RERE: variants seen among roughly 807,000 people sequenced by gnomAD.
RERE encodes the protein arginine-glutamic acid dipeptide repeats protein.
RERE carries 40 observed loss-of-function variants against 146.1 expected under a neutral mutation model. The observed-to-expected ratio is 0.27, with a 90% CI of 0.21 to 0.36. The LOEUF is 0.36. Among genes scored for constraint, RERE ranks in the 10% least tolerant of loss-of-function variants. RERE has a pLI of 1.00. For missense variants in RERE, 1,933 were observed against 2,138.7 expected (o/e 0.90, Z 1.90); for synonymous variants, 1,003 against 866.0 (o/e 1.16, Z -2.78).
In RERE at chr1:8,400,222, ATGTG is replaced by A. The variant is rs1553161719; in HGVS notation, c.1284+22501_1284+22504del. On this transcript the variant is annotated intron_variant, in intron 12 of 22. Coordinates refer to ENST00000400908, the MANE Select transcript of RERE (RefSeq NM_001042681.2). ...CTCTTCCTTTCCATTCCTGTGTCATATGTGTGTGTGTGTGTGTGTGTGTGTGTGT... is the reference window on the plus strand; with the variant it reads ...CTCTTCCTTTCCATTCCTGTGTCATATGTGTGTGTGTGTGTGTGTGTGTGT... Among the ~76,000 whole-genome samples, 1,047 of 140,132 alleles carry A rather than the reference ATGTG, an allele frequency of 7.5e-3. 16 individuals are homozygous for A. Among genetic ancestry groups the A allele is most frequent in the African/African-American group, 0.024 (918 of 38,118 alleles). 91.9% of individuals were successfully genotyped at this position (140,132 alleles called of 152,430 possible).
chr1:8,446,583 A>C (rs1005958262), intron 11 of RERE, among the ~76,000 whole-genome samples: 1 of 152,228 alleles, frequency 6.6e-6, no homozygotes, highest in Non-Finnish European at 1.5e-5. Context: ...GTGTTTTCCA[A>C]CTTGGTTCCA....
chr1:8,449,188 G>A (rs1644362103), intron 11 of RERE, among the ~76,000 whole-genome samples: 1 of 152,172 alleles, frequency 6.6e-6, no homozygotes, highest in Non-Finnish European at 1.5e-5. Context: ...TCAAAGAAAT[G>A]TTCCTTACAA....
intron 4 of RERE, among the ~76,000 whole-genome samples, chr1:8,598,647 G>A (rs1646584260): frequency 6.6e-6 from 1 of 152,126 alleles, no homozygotes; most frequent in Non-Finnish European, 1.5e-5. Context: ...AAAGACCTCT[G>A]TCTCTTTCTG....
At chr1:8,637,332 T>C (rs750409164) in intron 2 of RERE, among the ~76,000 whole-genome samples, 1 of 152,124 alleles carries the variant, frequency 6.6e-6, no homozygotes, top group Non-Finnish European at 1.5e-5. Context: ...CTGGCATTCT[T>C]TGTGAGGGCA....
chr1:8,543,253 T>C (rs767218939), intron 6 of RERE, among the ~76,000 whole-genome samples: 27 of 152,182 alleles, frequency 1.8e-4, no homozygotes, highest in Non-Finnish European at 2.5e-4. Flanking sequence ...GGAAAGAAAA[T>C]GCAGGTATGA....
At chr1:8,461,860 T>A (rs1445042221) in intron 11 of RERE, among the ~76,000 whole-genome samples, 1 of 152,174 alleles carries the variant, frequency 6.6e-6, no homozygotes, top group Admixed American at 6.5e-5. Flanking sequence ...ATTATTTTTT[T>A]TGGAGACAGA....
In RERE at chr1:8,475,373, T is replaced by TA. The variant is rs70990569; in HGVS notation, c.1105-9351dup. Among the ~76,000 whole-genome samples the TA allele has an allele frequency of 2.3e-3, 312 of 137,034 alleles. 2 individuals carry two copies. Among genetic ancestry groups the TA allele is most frequent in the African/African-American group, 3.2e-3 (117 of 36,324 alleles). The allele number at this position is 137,034 out of a possible 152,430, so 89.9% of individuals were successfully genotyped here. On this transcript the variant is annotated intron_variant, in intron 10 of 22. Transcript: ENST00000400908. ...TGGGTGACAGAGCGAGATTCTGTCT[T>TA]AAAAAAAAAAAAAAAAATTCTTGGC...
intron 1 of RERE, among the ~76,000 whole-genome samples, chr1:8,808,592 C>T (rs1641733423): frequency 6.6e-6 from 1 of 152,126 alleles, no homozygotes; most frequent in African/African-American, 2.4e-5. Flanking sequence ...GAAACTGAGA[C>T]CCAGAAAGGT....
chr1:8,595,228 T>C (rs759478537), intron 4 of RERE, among the ~76,000 whole-genome samples: 4 of 151,998 alleles, frequency 2.6e-5, no homozygotes, highest in Non-Finnish European at 4.4e-5. Flanking sequence ...AACTTTTCTT[T>C]GGGTAAAATT....
rs1382159339 is a variant in RERE, at chr1:8,655,953, C to G, written c.325+20G>C. The G allele has an allele frequency of 6.2e-7, 1 of 1,607,036 alleles. No individual in the cohort carries two copies. Among genetic ancestry groups the G allele is most frequent in the Admixed American group, 1.7e-5 (1 of 58,998 alleles). ...CCCCCACTGTAAACATTGGCAAGAC[C>G]CAAACGTAAGGCTCCTTACCTCCTG... On this transcript the variant is annotated intron_variant, in intron 2 of 22. Transcript: ENST00000400908.
chr1:8,572,300 G>A (rs1646230878), intron 4 of RERE, among the ~76,000 whole-genome samples: 1 of 152,126 alleles, frequency 6.6e-6, no homozygotes, highest in African/African-American at 2.4e-5. Flanking sequence ...AAAGGCTTTG[G>A]GTGCCAGTGT....
At chr1:8,517,337 C>A (rs1354419617) in intron 7 of RERE, among the ~76,000 whole-genome samples, 2 of 152,092 alleles carry the variant, frequency 1.3e-5, no homozygotes, top group African/African-American at 4.8e-5. Context: ...AGAAAGAGGG[C>A]CACAGCTTAT....
rs1211095736 is a variant in RERE at position 8,360,610 on chromosome 1, G to A, written c.2897C>T (p.Pro966Leu). The change falls in exon 18 of 23, where the codon CCT becomes CTT. Residue 966 changes from proline (P) to leucine (L), a missense_variant. Physicochemically the swap from Pro to Leu is moderately conservative, Grantham distance 98. This residue lies in a region of RERE where 1,255 missense variants were observed against 1,153.8 expected (regional missense o/e 1.09). Coordinates refer to ENST00000400908, the MANE Select transcript of RERE (RefSeq NM_001042681.2). Reference protein sequence around the residue: ...PFSMNANLPPPPALKPLSSLS... With the variant: ...PFSMNANLPPLPALKPLSSLS... ...GGAGCTCAGGGGCTTCAGGGCTGGA[G>A]GGGGAGGCAGGTTGGCATTCATGGA... 4 of 1,513,336 alleles carry A rather than the reference G, an allele frequency of 2.6e-6. No individual in the cohort carries two copies. The highest frequency in any genetic ancestry group is 1.3e-5 in the South Asian group (1 of 76,172). The allele number at this position is 1,513,336 out of a possible 1,614,324, so 93.7% of individuals were successfully genotyped here. A position where few individuals can be genotyped will look rare whatever the true frequency, so the allele number is the denominator to read the frequency against.
At chr1:8,502,126 C>T (rs868592675) in intron 8 of RERE, among the ~76,000 whole-genome samples, 31 of 13,688 alleles carry the variant, frequency 2.3e-3, no homozygotes, top group African/African-American at 8.1e-3. Context: ...GTGAGGACCC[C>T]TCTGCCCGGC....
intron 1 of RERE, among the ~76,000 whole-genome samples, chr1:8,718,647 T>C (rs540220476): frequency 6.6e-6 from 1 of 152,222 alleles, no homozygotes; most frequent in Non-Finnish European, 1.5e-5. Context: ...GGCAGCAACA[T>C]TTCATCCTTA....
intron 11 of RERE, chr1:8,465,723 T>A: frequency 1.5e-6 from 1 of 664,204 alleles, no homozygotes. Context: ...TCCCGACATC[T>A]ATGAAGCCTA....
intron 1 of RERE, among the ~76,000 whole-genome samples, chr1:8,805,086 C>G (rs1641664074): frequency 6.7e-6 from 1 of 149,256 alleles, no homozygotes; most frequent in Non-Finnish European, 1.5e-5. Context: ...TTTCGGCTCA[C>G]CGCAACCTCG....
At chr1:8,686,776 T>G (rs1463867213) in intron 1 of RERE, among the ~76,000 whole-genome samples, 1 of 151,460 alleles carries the variant, frequency 6.6e-6, no homozygotes, top group Non-Finnish European at 1.5e-5. Flanking sequence ...GTGTAGTTTG[T>G]GATGAAGACA....
chr1:8,546,149 C>T (rs1326589217), intron 6 of RERE, among the ~76,000 whole-genome samples: 2 of 151,280 alleles, frequency 1.3e-5, no homozygotes, highest in African/African-American at 4.9e-5. Flanking sequence ...GCCACCACAC[C>T]CAACAATTTT....
Sources: allele counts gnomAD v4.1 joint callset (sites outside exome capture counted in the v4.1 genomes callset), GRCh38; gene constraint gnomAD v4.1.1; regional missense constraint gnomAD v4.1.1; transcripts MANE v1.5; gene names NCBI Gene and HGNC (gene_info 2026-07-23, HGNC 2026-07-21).